The following METTL22 variants were observed in gnomAD, a reference collection of about 807,000 sequenced individuals.
METTL22 encodes methyltransferase-like protein 22.
METTL22 carries 51 observed loss-of-function variants against 48.4 expected under a neutral mutation model. That is an observed-to-expected ratio of 1.05 (90% CI 0.84 to 1.33). The LOEUF is 1.33. Among genes scored for constraint, METTL22 ranks in the 40% most tolerant of loss-of-function variants. METTL22 has a pLI of 0.00. For synonymous variants in METTL22, 255 were observed against 214.1 expected, an observed-to-expected ratio of 1.19 and a Z score of -1.67; for missense variants, 678 against 526.9, an observed-to-expected ratio of 1.29 and a Z score of -2.81.
chr16:8,650,812 G>A (rs2056883261), downstream of METTL22, among the ~76,000 whole-genome samples: 1 of 151,976 alleles, frequency 6.6e-6, no homozygotes, highest in Non-Finnish European at 1.5e-5. Context: ...ATCACCTGAG[G>A]TCAGGAGTTC....
chr16:8,658,133 G>A, the METTL22 span, among the ~76,000 whole-genome samples: 56 of 152,132 alleles, frequency 3.7e-4, no homozygotes, highest in Admixed American at 2.9e-3. Flanking sequence ...GTCTTTATAA[G>A]AGAAAGGAGA....
rs2056799264 is a variant in METTL22, at chr16:8,646,314, T to A, written c.*171T>A. The A allele has an allele frequency of 3.6e-6, 3 of 832,808 alleles. No homozygotes were observed. Among genetic ancestry groups the A allele is most frequent in the Non-Finnish European group, 6.0e-6 (3 of 502,444 alleles). The allele number at this position is 832,808 out of a possible 1,614,324, so 51.6% of individuals were successfully genotyped here. A position where few individuals can be genotyped will look rare whatever the true frequency, so the allele number is the denominator to read the frequency against. ...CTGGGGTCTGTCCCTGCCTCCCAGTTGTAGCCAGAGAAGGTTGTTGCTGTG... is the reference window on the plus strand; with the variant it reads ...CTGGGGTCTGTCCCTGCCTCCCAGTAGTAGCCAGAGAAGGTTGTTGCTGTG... On this transcript the variant is annotated 3_prime_UTR_variant, in exon 11 of 11. Coordinates refer to ENST00000381920, the MANE Select transcript of METTL22 (RefSeq NM_024109.4).
intron 1 of METTL22, among the ~76,000 whole-genome samples, chr16:8,622,292 G>A (rs2055880249): frequency 6.6e-6 from 1 of 152,100 alleles, no homozygotes. Flanking sequence ...AGAAAGATGA[G>A]GAGGGAAGTT....
the METTL22 span, among the ~76,000 whole-genome samples, chr16:8,664,158 G>T: frequency 6.6e-6 from 1 of 151,510 alleles, no homozygotes; most frequent in African/African-American, 2.4e-5. Context: ...CGTGATGTCG[G>T]CTCACTGCAT....
At position 8,646,927 on chromosome 16, in the gene METTL22, A is replaced by T; in HGVS notation, c.*784A>T. 1 of 334,376 alleles carries T rather than the reference A, an allele frequency of 3.0e-6. No individual in the cohort carries two copies. The highest frequency in any genetic ancestry group is 5.9e-6 in the Non-Finnish European group (1 of 169,248). The allele number at this position is 334,376 out of a possible 1,614,324, so 20.7% of individuals were successfully genotyped here. A position where few individuals can be genotyped will look rare whatever the true frequency, so the allele number is the denominator to read the frequency against. ...TCTGTGCCTCTCTCCTCCCATCTCC[A>T]CCCCTTCCTGTCATCCTCTATGTCC... On this transcript the variant is annotated 3_prime_UTR_variant, in exon 11 of 11. Coordinates refer to ENST00000381920, the MANE Select transcript of METTL22 (RefSeq NM_024109.4).
intron 3 of METTL22, among the ~76,000 whole-genome samples, chr16:8,630,544 G>A (rs1017517176): frequency 6.6e-5 from 10 of 152,100 alleles, no homozygotes; most frequent in African/African-American, 2.2e-4. Flanking sequence ...CAGGGGGGCC[G>A]ACGATGGCTC....
downstream of METTL22, among the ~76,000 whole-genome samples, chr16:8,652,216 T>G (rs939281045): frequency 1.3e-5 from 2 of 151,896 alleles, no homozygotes; most frequent in Non-Finnish European, 2.9e-5. Context: ...CCCAGCACTT[T>G]GGGAGGCCAA....
In METTL22 at chr16:8,644,794, G is replaced by A. The variant is rs143114398; in HGVS notation, c.1179+69G>A. On this transcript the variant is annotated intron_variant, in intron 10 of 10. Transcript: ENST00000381920. ...GAAGCGGGTGACTCCAGGGCAAAGA[G>A]GTGATGAAGCAAGCCCTCCAAGCAC... The A allele has an allele frequency of 4.1e-5, 58 of 1,429,864 alleles. No homozygotes were observed. The African/African-American group carries it at 7.4e-4, about 18-fold the overall frequency. 88.6% of individuals were successfully genotyped at this position (1,429,864 alleles called of 1,614,324 possible).
At chr16:8,639,912 C>T (rs981689648) in intron 6 of METTL22, among the ~76,000 whole-genome samples, 3 of 152,054 alleles carry the variant, frequency 2.0e-5, no homozygotes, top group Admixed American at 6.6e-5. Context: ...CCGACCTCAC[C>T]GTCTTTCAAA....
Position 8,644,741 on chromosome 16 carries a change from G to C in METTL22, c.1179+16G>C. On this transcript the variant is annotated intron_variant, in intron 10 of 10. Transcript: ENST00000381920. ...CCAGCAACTGGTAGGTCCAGGCCCC[G>C]AAGCAGGGCCGTTGGTTGCTTTACT... 1.9e-6 allele frequency: 3 copies of C among 1,542,806 alleles called. No individual in the cohort carries two copies. The highest frequency in any genetic ancestry group is 2.6e-6 in the Non-Finnish European group (3 of 1,143,912).
At chr16:8,643,938 T>C (rs1049807911) in intron 9 of METTL22, among the ~76,000 whole-genome samples, 1 of 152,130 alleles carries the variant, frequency 6.6e-6, no homozygotes, top group African/African-American at 2.4e-5. Context: ...TCCTGTTGCA[T>C]GTCTGGAATT....
chr16:8,633,023 T>C (rs1827498879), intron 3 of METTL22, among the ~76,000 whole-genome samples: 1 of 151,956 alleles, frequency 6.6e-6, no homozygotes, highest in Non-Finnish European at 1.5e-5. Context: ...GAGGAAGCTT[T>C]CCCAGGCCAA....
chr16:8,642,671 A>G (rs964752861), intron 9 of METTL22, 106 bp downstream of exon 9: 23 of 1,064,984 alleles, frequency 2.2e-5, no homozygotes, highest in Non-Finnish European at 3.3e-5. Flanking sequence ...ACTCAGTGCC[A>G]CTTATTGAGC....
chr16:8,663,812 T>C, the METTL22 span, among the ~76,000 whole-genome samples: 6 of 152,018 alleles, frequency 3.9e-5, no homozygotes, highest in Admixed American at 3.9e-4. Flanking sequence ...ACTAGAGGAG[T>C]TACACTAGAG....
intron 1 of METTL22, among the ~76,000 whole-genome samples, chr16:8,622,266 G>C (rs1387148273): frequency 6.6e-6 from 1 of 152,206 alleles, no homozygotes; most frequent in Non-Finnish European, 1.5e-5. Context: ...TGTTGAGTGA[G>C]TTGCAGTTAT....
In METTL22 at chr16:8,642,577, G is replaced by C; in HGVS notation, c.1010+12G>C. The C allele has an allele frequency of 6.2e-7, 1 of 1,612,876 alleles. No homozygotes were observed. Among genetic ancestry groups the C allele is most frequent in the African/African-American group, 1.3e-5 (1 of 74,996 alleles). On this transcript the variant is annotated intron_variant, in intron 9 of 10. Coordinates refer to ENST00000381920, the MANE Select transcript of METTL22 (RefSeq NM_024109.4). Reference sequence around the variant, plus strand: ...TCGGTGGAGAAGAGGTGAGCTTTGCGCCACGGGAACCGTGCTGACGTCCCG... The same window carrying C: ...TCGGTGGAGAAGAGGTGAGCTTTGCCCCACGGGAACCGTGCTGACGTCCCG...
intron 1 of METTL22, among the ~76,000 whole-genome samples, chr16:8,623,437 C>G (rs1378306350): frequency 5.9e-5 from 9 of 152,112 alleles, no homozygotes; most frequent in African/African-American, 2.2e-4. Flanking sequence ...ATGTGAAAGT[C>G]CTCAGTTTTC....
chr16:8,663,015 C>G, the METTL22 span, among the ~76,000 whole-genome samples: 5 of 149,122 alleles, frequency 3.4e-5, no homozygotes, highest in Admixed American at 3.4e-4. Context: ...CGAGACCAGC[C>G]TGGCCAACAT....
In METTL22 at chr16:8,628,990, T is replaced by C; in HGVS notation, c.394T>C (p.Ser132Pro). ...CGTGGTGAGAAGACCACGAGCCGCC[T>C]CTGATTCCAACCCAGCAGGGCCTCT... ...LDVVRRPRAA[S>P]DSNPAGPLRD... Residue 132 changes from serine (S) to proline (P), a missense_variant, in exon 3 of 11, where the codon TCT becomes CCT. Ser to Pro is a moderately conservative substitution (Grantham distance 74, BLOSUM62 -1). Coordinates refer to ENST00000381920, the MANE Select transcript of METTL22 (RefSeq NM_024109.4). 6.2e-7 allele frequency: 1 copy of C among 1,614,112 alleles called. No homozygotes were observed. The highest frequency in any genetic ancestry group is 8.5e-7 in the Non-Finnish European group (1 of 1,180,048).
Sources: allele counts gnomAD v4.1 joint callset (sites outside exome capture counted in the v4.1 genomes callset), GRCh38; gene constraint gnomAD v4.1.1; transcripts MANE v1.5; gene names NCBI Gene and HGNC (gene_info 2026-07-23, HGNC 2026-07-21).